Variants in FNDC5 observed in about 807,000 individuals in gnomAD.
FNDC5 encodes fibronectin type III domain containing 5.
In FNDC5, 10 loss-of-function variants were observed where a neutral mutation model predicts 24.6. The ratio of observed to expected loss-of-function variants is 0.41; its 90% CI spans 0.25 to 0.69. The LOEUF (loss-of-function observed/expected upper bound fraction) is 0.69. Among genes scored for constraint, FNDC5 ranks in the 30% least tolerant of loss-of-function variants. The pLI, the probability that FNDC5 is intolerant of heterozygous loss-of-function variation, is 0.34. For synonymous variants in FNDC5, 90 were observed against 110.7 expected (o/e 0.81, Z 1.18); for missense variants, 226 against 282.9 (o/e 0.80, Z 1.44).
chr1:32,872,192 C>A (rs1641194215), upstream of FNDC5, among the ~76,000 whole-genome samples: 1 of 152,134 alleles, frequency 6.6e-6, no homozygotes, highest in Non-Finnish European at 1.5e-5. Context: ...CGATAGACAA[C>A]CCTCCTCTCC....
Position 32,863,458 on chromosome 1 carries a change from C to T in FNDC5, c.*836G>A. 3.4e-6 allele frequency: 1 copy of T among 294,650 alleles called. No individual in the cohort carries two copies. The highest frequency in any genetic ancestry group is 3.3e-5 in the South Asian group (1 of 30,090). 18.3% of individuals were successfully genotyped at this position (294,650 alleles called of 1,614,324 possible). The stretch of plus-strand genomic sequence containing the variant: ...TTTGTGCATTTTCTCAAAGAGGAAG[C>T]CAGTCCAGGAGAGGCGAGGAGGCAG... On this transcript the variant is annotated 3_prime_UTR_variant, in exon 6 of 6. Coordinates refer to ENST00000373471, the MANE Select transcript of FNDC5 (RefSeq NM_153756.3).
At chr1:32,869,721 C>T (rs1489052682) in intron 1 of FNDC5, among the ~76,000 whole-genome samples, 1 of 151,928 alleles carries the variant, frequency 6.6e-6, no homozygotes, top group African/African-American at 2.4e-5. Flanking sequence ...CCAGAAGAGA[C>T]AGGAGGGAAG....
rs1640994114 is a variant in FNDC5, at chr1:32,863,019, C to A, written c.*1275G>T. The A allele has an allele frequency of 6.5e-6, 1 of 152,708 alleles. No individual in the cohort carries two copies. The highest frequency in any genetic ancestry group is 1.5e-5 in the Non-Finnish European group (1 of 68,112). 9.5% of individuals were successfully genotyped at this position (152,708 alleles called of 1,614,324 possible). A position where few individuals can be genotyped will look rare whatever the true frequency, so the allele number is the denominator to read the frequency against. Reference sequence around the variant, plus strand: ...TCCAGAAGGGGTGTTTTGGTAGCCCCCAGAATGCCAGCTGTGATGTGACTT... The same window carrying A: ...TCCAGAAGGGGTGTTTTGGTAGCCCACAGAATGCCAGCTGTGATGTGACTT... On this transcript the variant is annotated 3_prime_UTR_variant, in exon 6 of 6. Coordinates refer to ENST00000373471, the MANE Select transcript of FNDC5 (RefSeq NM_153756.3).
rs1569993504 is a variant in FNDC5, at chr1:32,868,595, T to C, written c.211-207A>G. ...CCACACATCTAGTAAGCACTGGAGC[T>C]AGGTCCTAAATGCAGATGTCTCTGA... On this transcript the variant is annotated intron_variant, in intron 2 of 5. Transcript: ENST00000373471. The surrounding 1 kb of genome is among the most constrained non-coding windows in gnomAD (Gnocchi z 4.8). 6.6e-6 allele frequency among the ~76,000 whole-genome samples: 1 copy of C among 152,264 alleles called. No homozygotes were observed. Among genetic ancestry groups the C allele is most frequent in the East Asian group, 1.9e-4 (1 of 5,184 alleles).
intron 4 of FNDC5, among the ~76,000 whole-genome samples, chr1:32,866,126 C>T (rs959410355): frequency 1.3e-5 from 2 of 152,170 alleles, no homozygotes; most frequent in African/African-American, 4.8e-5. Context: ...TACTTCCCTC[C>T]CTATTATCCT....
Position 32,868,299 on chromosome 1 carries a change from C to T in FNDC5, c.300G>A (p.Glu100=), listed in dbSNP as rs1293656577. 5.6e-6 allele frequency: 9 copies of T among 1,614,082 alleles called. No individual in the cohort carries two copies. ...AGATGGCCTGCACGTGGACTATGTA[C>T]TCCGTATCCTCCTCCAGGTCCCAGA... The change falls in exon 3 of 6, where the codon GAG becomes GAA. Residue 100 remains glutamate, a synonymous_variant. Coordinates refer to ENST00000373471, the MANE Select transcript of FNDC5 (RefSeq NM_153756.3). This position sits in a 1 kb window ranked among gnomAD's most constrained non-coding sequence, Gnocchi z 4.8.
chr1:32,870,776 C>A lies in FNDC5; in HGVS notation c.-30G>T. 1.0e-6 allele frequency: 1 copy of A among 990,138 alleles called. No individual in the cohort carries two copies. Among genetic ancestry groups the A allele is most frequent in the Non-Finnish European group, 1.2e-6 (1 of 824,194 alleles). The allele number at this position is 990,138 out of a possible 1,614,324, so 61.3% of individuals were successfully genotyped here. ...GCTCCTCCGGCCGGCAGGCCCGGGG[C>A]GGCGCAGGGGGACGCGGCTCCGGCG... On this transcript the variant is annotated 5_prime_UTR_variant, in exon 1 of 6. Coordinates refer to ENST00000373471, the MANE Select transcript of FNDC5 (RefSeq NM_153756.3).
In FNDC5 at chr1:32,862,977, C is replaced by T. The variant is rs940890266; in HGVS notation, c.*1317G>A. ...TCCGTGGTGAATGGCTCAGGCCTGC[C>T]TTCCAGCAGCTTCTACTCCAGAAGG... On this transcript the variant is annotated 3_prime_UTR_variant, in exon 6 of 6. Coordinates refer to ENST00000373471, the MANE Select transcript of FNDC5 (RefSeq NM_153756.3). 1.3e-5 allele frequency: 2 copies of T among 152,732 alleles called. No individual in the cohort carries two copies. The highest frequency in any genetic ancestry group is 2.9e-5 in the Non-Finnish European group (2 of 68,116). 9.5% of individuals were successfully genotyped at this position (152,732 alleles called of 1,614,324 possible). A position where few individuals can be genotyped will look rare whatever the true frequency, so the allele number is the denominator to read the frequency against.
chr1:32,863,549 A>G lies in FNDC5; in HGVS notation c.*745T>C. On this transcript the variant is annotated 3_prime_UTR_variant, in exon 6 of 6. Transcript: ENST00000373471. ...GCCAGGCCTTTTAGTTTTGTGGCTT[A>G]TTTTTATTTTTTTGCAGAATTTGGG... 8 of 483,812 alleles carry G rather than the reference A, an allele frequency of 1.7e-5. No homozygotes were observed. The South Asian group carries it at 1.7e-4, about 10-fold the overall frequency. 30.0% of individuals were successfully genotyped at this position (483,812 alleles called of 1,614,324 possible).
At chr1:32,871,784 A>G (rs541363314), upstream of FNDC5, among the ~76,000 whole-genome samples, 2 of 152,286 alleles carry the variant, frequency 1.3e-5, no homozygotes, top group East Asian at 3.9e-4. Flanking sequence ...GGCCGGGGCC[A>G]GCTCCTCCCC....
At chr1:32,870,632 C>T in intron 1 of FNDC5, 21 bp downstream of exon 1, 1 of 1,201,062 alleles carries the variant, frequency 8.3e-7, no homozygotes, top group South Asian at 4.2e-5. Context: ...GGCGCCGGCC[C>T]CCCGCCCCGG....
At chr1:32,872,138 A>C (rs1416348795), upstream of FNDC5, among the ~76,000 whole-genome samples, 1 of 152,146 alleles carries the variant, frequency 6.6e-6, no homozygotes, top group Non-Finnish European at 1.5e-5. Flanking sequence ...AGGTCTACCG[A>C]TGGGAAGAGC....
rs1569985084 is a variant in FNDC5 at position 32,864,005 on chromosome 1, T to C, written c.*289A>G. On this transcript the variant is annotated 3_prime_UTR_variant, in exon 6 of 6. Coordinates refer to ENST00000373471, the MANE Select transcript of FNDC5 (RefSeq NM_153756.3). ...ACTCAACTGAATGGCCAAGACTGGG[T>C]CCTGGGCCCATGGCCCCTGGCACCC... The C allele has an allele frequency of 1.5e-6, 2 of 1,358,710 alleles. No individual in the cohort carries two copies. The highest frequency in any genetic ancestry group is 6.1e-5 in the Admixed American group (2 of 32,732). The allele number at this position is 1,358,710 out of a possible 1,614,324, so 84.2% of individuals were successfully genotyped here. A position where few individuals can be genotyped will look rare whatever the true frequency, so the allele number is the denominator to read the frequency against.
chr1:32,864,868 G>T, intron 4 of FNDC5, 71 bp from the exon 5 acceptor site: 1 of 1,586,786 alleles, frequency 6.3e-7, no homozygotes, highest in Non-Finnish European at 8.6e-7. Flanking sequence ...TTTCCCACTA[G>T]TGCTTGCCAA....
intron 5 of FNDC5, 92 bp from the exon 6 acceptor site, chr1:32,864,391 C>T (rs1641028673): frequency 6.3e-7 from 1 of 1,576,972 alleles, no homozygotes; most frequent in Non-Finnish European, 8.6e-7. Flanking sequence ...CCAGACACCC[C>T]ACTCCTATTG....
chr1:32,872,186 A>G (rs554324626), upstream of FNDC5, among the ~76,000 whole-genome samples: 1 of 152,292 alleles, frequency 6.6e-6, no homozygotes, highest in East Asian at 1.9e-4. Flanking sequence ...GAGGAGCGAT[A>G]GACAACCCTC....
rs765488784 is a variant in FNDC5 at position 32,868,411 on chromosome 1, G to A, written c.211-23C>T. On this transcript the variant is annotated intron_variant, in intron 2 of 5. Coordinates refer to ENST00000373471, the MANE Select transcript of FNDC5 (RefSeq NM_153756.3). The surrounding 1 kb of genome is among the most constrained non-coding windows in gnomAD (Gnocchi z 4.8). ...CTTCTGCAGACAAGCGCCGGTCACT[G>A]CTGTCAACACTCGGTGACCAGCCCC... The A allele has an allele frequency of 9.0e-5, 144 of 1,607,422 alleles. No individual in the cohort carries two copies. The highest frequency in any genetic ancestry group is 1.2e-4 in the Non-Finnish European group (142 of 1,175,448).
chr1:32,868,223 G>A lies in FNDC5; in HGVS notation c.376C>T (p.Arg126Cys), dbSNP rs780955257. ...TTGGAGGCCATCTTCTCAGCCTCAC[G>A]CGGGGTCTTGAAGAGCACAGGCTCG... Residue 126 changes from arginine to cysteine, a missense_variant, in exon 3 of 6, where the codon CGT becomes TGT. Coordinates refer to ENST00000373471, the MANE Select transcript of FNDC5 (RefSeq NM_153756.3). This position sits in a 1 kb window ranked among gnomAD's most constrained non-coding sequence, Gnocchi z 4.8. The A allele has an allele frequency of 5.6e-5, 91 of 1,614,002 alleles. No individual in the cohort carries two copies. Among genetic ancestry groups the A allele is most frequent in the Non-Finnish European group, 7.2e-5 (85 of 1,180,038 alleles).
At position 32,863,737 on chromosome 1, in the gene FNDC5, G is replaced by C. The variant is rs186735140; in HGVS notation, c.*557C>G. On this transcript the variant is annotated 3_prime_UTR_variant, in exon 6 of 6. Transcript: ENST00000373471. ...GAATCCTTCTCCCTGCAGACAGGCAGTCACGCTTCAATGATGTTCACTGAG... is the reference window on the plus strand; with the variant it reads ...GAATCCTTCTCCCTGCAGACAGGCACTCACGCTTCAATGATGTTCACTGAG... 2.3e-6 allele frequency: 3 copies of C among 1,304,562 alleles called. No individual in the cohort carries two copies. Among genetic ancestry groups the C allele is most frequent in the Non-Finnish European group, 3.0e-6 (3 of 989,028 alleles). The allele number at this position is 1,304,562 out of a possible 1,614,324, so 80.8% of individuals were successfully genotyped here.
Sources: gnomAD v4.1 joint callset for allele counts (sites outside exome capture counted in the v4.1 genomes callset) on GRCh38, gnomAD v4.1.1 for gene constraint, Gnocchi (gnomAD v3.1) non-coding constraint, MANE v1.5 for transcripts, NCBI Gene and HGNC (gene_info 2026-07-23, HGNC 2026-07-21) for gene names.